ADGRL3: variants seen among roughly 807,000 people sequenced by gnomAD.
ADGRL3 encodes calcium-independent alpha-latrotoxin receptor 3.
A neutral mutation model predicts 153.5 loss-of-function variants in ADGRL3; 62 were observed. The ratio of observed to expected loss-of-function variants is 0.40; its 90% confidence interval spans 0.33 to 0.50. The LOEUF (loss-of-function observed/expected upper bound fraction) is 0.50, where lower values mean the gene tolerates loss of function less well. Among genes scored for constraint, ADGRL3 ranks in the 20% least tolerant of loss-of-function variants. The pLI, the probability that ADGRL3 is intolerant of heterozygous loss-of-function variation, is 0.47. For synonymous variants in ADGRL3, 710 were observed against 672.5 expected (o/e 1.06, Z -0.86); for missense variants, 1,641 against 1,859.4 (o/e 0.88, Z 2.16).
At chr4:62,034,947 A>G (rs900331689) in intron 23 of ADGRL3, among the ~76,000 whole-genome samples, 2 of 151,902 alleles carry the variant, frequency 1.3e-5, no homozygotes, top group South Asian at 2.1e-4. Flanking sequence ...CCTGTCTTCT[A>G]TATTCTAGAA....
In ADGRL3 at chr4:61,814,028, A is replaced by T. The variant is rs1001522620; in HGVS notation, c.1480+139A>T. The T allele has an allele frequency of 1.5e-5, 16 of 1,085,218 alleles. No homozygotes were observed. The South Asian group carries it at 1.7e-4, about 11-fold the overall frequency. The allele number at this position is 1,085,218 out of a possible 1,614,324, so 67.2% of individuals were successfully genotyped here. On this transcript the variant is annotated intron_variant, in intron 9 of 26. Transcript: ENST00000683033. ...AATGAAGTATGTGAGTAATCTGGAG[A>T]TAAAGCAAGTCTCATTTATAAACAA... is the stretch of plus-strand genomic sequence containing the variant.
In ADGRL3 at chr4:61,266,577, A is replaced by G. The variant is rs988833857; in HGVS notation, c.-240+64812A>G. On this transcript the variant is annotated intron_variant, in intron 1 of 26. Transcript: ENST00000683033. ...TAGGAAATGTTCTGCAGTGGATCCC[A>G]TATTGAAATTTGTGGATTCCATTTG... 2.2e-4 allele frequency among the ~76,000 whole-genome samples: 33 copies of G among 151,840 alleles called. 1 individual carries two copies. The highest frequency in any genetic ancestry group is 2.0e-3 in the Admixed American group (30 of 15,208).
At chr4:61,332,025 T>A (rs550861614) in intron 1 of ADGRL3, among the ~76,000 whole-genome samples, 14 of 152,164 alleles carry the variant, frequency 9.2e-5, no homozygotes, top group African/African-American at 1.7e-4. Context: ...TCCAAAAAAA[T>A]TTTAAATTAT....
chr4:61,238,529 G>A (rs1753717152), intron 1 of ADGRL3, among the ~76,000 whole-genome samples: 1 of 151,588 alleles, frequency 6.6e-6, no homozygotes, highest in South Asian at 2.1e-4. Flanking sequence ...TCTGGATTGT[G>A]CTTACAGCAG....
At chr4:61,332,292 A>G (rs1258775331) in intron 1 of ADGRL3, among the ~76,000 whole-genome samples, 1 of 152,158 alleles carries the variant, frequency 6.6e-6, no homozygotes, top group Non-Finnish European at 1.5e-5. Flanking sequence ...TCAGAAGTAT[A>G]AGAAATCACT....
chr4:61,862,342 C>T (rs757208005), intron 9 of ADGRL3, among the ~76,000 whole-genome samples: 15 of 152,152 alleles, frequency 9.9e-5, no homozygotes, highest in Non-Finnish European at 1.9e-4. Flanking sequence ...AGGGACAGAG[C>T]TGTAACTATG....
intron 5 of ADGRL3, among the ~76,000 whole-genome samples, chr4:61,597,284 T>TA: frequency 6.6e-6 from 1 of 152,168 alleles, no homozygotes; most frequent in African/African-American, 2.4e-5. Flanking sequence ...TCAAAAGTAA[T>TA]AAAAAGACAA....
chr4:61,838,293 G>GA (rs2097968184), intron 9 of ADGRL3, among the ~76,000 whole-genome samples: 1 of 152,058 alleles, frequency 6.6e-6, no homozygotes, highest in African/African-American at 2.4e-5. Flanking sequence ...AACAGTTTCT[G>GA]AAAAACACAG....
chr4:61,245,634 A>C (rs1400221747), intron 1 of ADGRL3, among the ~76,000 whole-genome samples: 1 of 152,126 alleles, frequency 6.6e-6, no homozygotes, highest in Non-Finnish European at 1.5e-5. Context: ...GCATTAGTTT[A>C]GGTTTGTTTA....
At chr4:61,317,042 C>T (rs1054937572) in intron 1 of ADGRL3, among the ~76,000 whole-genome samples, 23 of 152,104 alleles carry the variant, frequency 1.5e-4, no homozygotes, top group African/African-American at 5.3e-4. Flanking sequence ...CAATACTTAC[C>T]TTTGCAAGTA....
In ADGRL3 at chr4:62,070,425, G is replaced by T. The variant is rs375355903; in HGVS notation, c.4149G>T (p.Ser1383=). 21 of 1,551,680 alleles carry T rather than the reference G, an allele frequency of 1.4e-5. No homozygotes were observed. The highest frequency in any genetic ancestry group is 1.7e-5 in the Non-Finnish European group (20 of 1,147,036). ...DDAIVLDDAT[S]FNHEESLGLE... ...CCATTGTCCTGGATGATGCCACCTC[G>T]TTTAACCACGAGGAGAGTTTGGGCC... Residue 1383 remains serine (S), a synonymous_variant, in exon 27 of 27, where the codon TCG becomes TCT. Coordinates refer to ENST00000683033, the MANE Select transcript of ADGRL3 (RefSeq NM_001387552.1).
At chr4:61,553,033 A>G (rs1014803958) in intron 4 of ADGRL3, among the ~76,000 whole-genome samples, 1 of 152,174 alleles carries the variant, frequency 6.6e-6, no homozygotes, top group African/African-American at 2.4e-5. Context: ...ATTTCAGTGC[A>G]TGTTAAAGGT....
intron 3 of ADGRL3, among the ~76,000 whole-genome samples, chr4:61,502,260 A>G (rs1008609846): frequency 1.3e-5 from 2 of 152,158 alleles, no homozygotes; most frequent in African/African-American, 4.8e-5. Context: ...CCTAAGCCCC[A>G]GATGATTGGG....
At chr4:61,903,544 TA>T (rs1428405165) in intron 11 of ADGRL3, among the ~76,000 whole-genome samples, 2 of 150,670 alleles carry the variant, frequency 1.3e-5, no homozygotes, top group East Asian at 4.0e-4. Context: ...AGAGGGCCTG[TA>T]GCCCTAGCTA....
intron 1 of ADGRL3, among the ~76,000 whole-genome samples, chr4:61,324,518 A>G (rs1011707354): frequency 2.0e-5 from 3 of 152,214 alleles, no homozygotes; most frequent in African/African-American, 4.8e-5. Flanking sequence ...TAGCCCTATG[A>G]TTAAATGTAA....
intron 2 of ADGRL3, among the ~76,000 whole-genome samples, chr4:61,397,336 A>G (rs2096880114): frequency 6.6e-6 from 1 of 151,958 alleles, no homozygotes; most frequent in Non-Finnish European, 1.5e-5. Context: ...AAGGAACAAG[A>G]CAGATGTGAC....
At chr4:61,691,725 T>C (rs2095543315) in intron 6 of ADGRL3, among the ~76,000 whole-genome samples, 1 of 152,168 alleles carries the variant, frequency 6.6e-6, no homozygotes, top group Admixed American at 6.6e-5. Context: ...TACCAAGGTA[T>C]AAAAATTACT....
intron 1 of ADGRL3, among the ~76,000 whole-genome samples, chr4:61,300,403 G>A (rs2094541987): frequency 6.6e-6 from 1 of 152,158 alleles, no homozygotes; most frequent in Non-Finnish European, 1.5e-5. Context: ...AATCATACTG[G>A]AAAATTGCAG....
intron 25 of ADGRL3, among the ~76,000 whole-genome samples, chr4:62,065,649 C>G (rs1324429769): frequency 3.3e-5 from 5 of 151,908 alleles, no homozygotes; most frequent in Non-Finnish European, 7.4e-5. Flanking sequence ...TAAATTTGGA[C>G]CACATTTTGT....
Sources: allele counts gnomAD v4.1 joint callset (sites outside exome capture counted in the v4.1 genomes callset), GRCh38; gene constraint gnomAD v4.1.1; transcripts MANE v1.5; gene names NCBI Gene and HGNC (gene_info 2026-07-23, HGNC 2026-07-21).